KHDRBS2: variants seen among roughly 807,000 people sequenced by gnomAD.
KHDRBS2 encodes KH RNA binding domain containing, signal transduction associated 2.
KHDRBS2 carries 26 observed loss-of-function variants against 44.3 expected under a neutral mutation model. The observed-to-expected ratio is 0.59, with a 90% CI of 0.43 to 0.81. The LOEUF is 0.81. Among genes scored for constraint, KHDRBS2 ranks in the 40% least tolerant of loss-of-function variants. KHDRBS2 has a pLI of 0.00. For synonymous variants in KHDRBS2, 194 were observed against 151.1 expected (o/e 1.28, Z -2.08); for missense variants, 476 against 433.1 (o/e 1.10, Z -0.88).
chr6:62,227,316 C>T (rs985074165), intron 1 of KHDRBS2, among the ~76,000 whole-genome samples: 3 of 152,080 alleles, frequency 2.0e-5, no homozygotes, highest in Non-Finnish European at 2.9e-5. Flanking sequence ...TGATTTGGCT[C>T]TCTGCTTATC....
At chr6:62,135,513 GT>G (rs1811322271) in intron 2 of KHDRBS2, among the ~76,000 whole-genome samples, 1 of 151,944 alleles carries the variant, frequency 6.6e-6, no homozygotes, top group Non-Finnish European at 1.5e-5. Flanking sequence ...TATGACCCAC[GT>G]ATACCTCTTC....
chr6:61,719,260 G>T (rs1018910935), intron 7 of KHDRBS2, among the ~76,000 whole-genome samples: 1 of 152,008 alleles, frequency 6.6e-6, no homozygotes, highest in Non-Finnish European at 1.5e-5. Flanking sequence ...GATCTGAATT[G>T]GTCTTTTGGC....
intron 2 of KHDRBS2, among the ~76,000 whole-genome samples, chr6:62,098,216 C>T (rs574657651): frequency 6.8e-6 from 1 of 146,802 alleles, no homozygotes; most frequent in South Asian, 2.2e-4. Flanking sequence ...TATACTTACT[C>T]TTACCAGTGA....
intron 6 of KHDRBS2, among the ~76,000 whole-genome samples, chr6:61,826,077 G>C (rs1198978217): frequency 1.3e-5 from 2 of 152,070 alleles, no homozygotes; most frequent in Non-Finnish European, 2.9e-5. Flanking sequence ...ATCAAAGAAG[G>C]AGTTTTCCAA....
the KHDRBS2 span, among the ~76,000 whole-genome samples, chr6:61,656,820 C>T: frequency 6.6e-6 from 1 of 151,890 alleles, no homozygotes; most frequent in Non-Finnish European, 1.5e-5. Flanking sequence ...ACGTGATGGC[C>T]TACTTTTGAA....
At chr6:61,767,739 CAAGCA>C (rs1271012650) in intron 6 of KHDRBS2, among the ~76,000 whole-genome samples, 3 of 152,096 alleles carry the variant, frequency 2.0e-5, no homozygotes, top group Non-Finnish European at 2.9e-5. Flanking sequence ...CATAAACAAA[CAAGCA>C]AAGAGAAAAC....
Position 61,955,700 on chromosome 6 carries a change from A to G in KHDRBS2, c.483+22366T>C, listed in dbSNP as rs183827022. 4.1e-4 allele frequency among the ~76,000 whole-genome samples: 45 copies of G among 110,358 alleles called. 1 individual carries two copies. The highest frequency in any genetic ancestry group is 1.4e-3 in the African/African-American group (38 of 27,620). The allele number at this position is 110,358 out of a possible 152,430, so 72.4% of individuals were successfully genotyped here. ...CATATGTATGTATACATATATGTGT[A>G]TATATACACATATGTATGTATACAT... On this transcript the variant is annotated intron_variant, in intron 4 of 8. Transcript: ENST00000281156.
At chr6:61,755,157 G>C (rs1778294786) in intron 6 of KHDRBS2, among the ~76,000 whole-genome samples, 1 of 152,190 alleles carries the variant, frequency 6.6e-6, no homozygotes, top group East Asian at 1.9e-4. Context: ...TTGAGTTCAA[G>C]AATGTGTGAA....
At chr6:62,228,930 C>A (rs1247728094) in intron 1 of KHDRBS2, among the ~76,000 whole-genome samples, 2 of 152,206 alleles carry the variant, frequency 1.3e-5, no homozygotes, top group African/African-American at 4.8e-5. Context: ...CCAGTAGGAA[C>A]ATTCCTGTAT....
chr6:62,140,512 G>C (rs547102707), intron 2 of KHDRBS2, among the ~76,000 whole-genome samples: 1 of 152,296 alleles, frequency 6.6e-6, no homozygotes, highest in East Asian at 1.9e-4. Context: ...AAAGAGAATA[G>C]ATGATTAGGG....
intron 3 of KHDRBS2, among the ~76,000 whole-genome samples, chr6:61,987,156 T>G (rs997828164): frequency 6.6e-6 from 1 of 152,172 alleles, no homozygotes; most frequent in African/African-American, 2.4e-5. Context: ...CTCCACTATT[T>G]CAGCCTTCGA....
intron 6 of KHDRBS2, among the ~76,000 whole-genome samples, chr6:61,848,527 A>ATACG (rs1794876116): frequency 1.8e-5 from 1 of 56,816 alleles, no homozygotes; most frequent in Non-Finnish European, 3.2e-5. Flanking sequence ...ATGTATATAT[A>ATACG]TATACATATA....
At chr6:62,062,951 C>T (rs1000535864) in intron 2 of KHDRBS2, among the ~76,000 whole-genome samples, 9 of 150,724 alleles carry the variant, frequency 6.0e-5, no homozygotes, top group Non-Finnish European at 1.3e-4. Context: ...GGGGATATCA[C>T]CACCGATCCC....
At chr6:62,027,492 T>C (rs756946137) in intron 3 of KHDRBS2, among the ~76,000 whole-genome samples, 1 of 152,082 alleles carries the variant, frequency 6.6e-6, no homozygotes, top group Non-Finnish European at 1.5e-5. Flanking sequence ...CCATCTCTTT[T>C]CTTCACACCT....
chr6:62,102,497 G>A (rs1333666315), intron 2 of KHDRBS2, among the ~76,000 whole-genome samples: 2 of 152,170 alleles, frequency 1.3e-5, no homozygotes, highest in Non-Finnish European at 2.9e-5. Context: ...CGAGGTCTCG[G>A]CCCCAGAGGG....
chr6:61,721,369 C>A (rs1322432744), intron 7 of KHDRBS2, among the ~76,000 whole-genome samples: 1 of 151,908 alleles, frequency 6.6e-6, no homozygotes, highest in Non-Finnish European at 1.5e-5. Context: ...TTACCTCGGG[C>A]AGTATGGCCA....
intron 2 of KHDRBS2, among the ~76,000 whole-genome samples, chr6:62,070,596 T>C (rs1794805666): frequency 6.6e-6 from 1 of 152,078 alleles, no homozygotes; most frequent in Admixed American, 6.6e-5. Flanking sequence ...GGTGTTCGGT[T>C]TTTTGTCCTT....
chr6:62,035,541 C>A (rs1785131135), intron 3 of KHDRBS2, among the ~76,000 whole-genome samples: 1 of 151,640 alleles, frequency 6.6e-6, no homozygotes, highest in Admixed American at 6.6e-5. Context: ...TTAATGGGTA[C>A]AAAGCAAATA....
chr6:62,001,094 A>G (rs1778154199), intron 3 of KHDRBS2, among the ~76,000 whole-genome samples: 1 of 152,156 alleles, frequency 6.6e-6, no homozygotes, highest in Admixed American at 6.5e-5. Flanking sequence ...CATTATTGGA[A>G]TAGCTTCTTA....
Sources: gnomAD v4.1 joint callset for allele counts (sites outside exome capture counted in the v4.1 genomes callset) on GRCh38, gnomAD v4.1.1 for gene constraint, MANE v1.5 for transcripts, NCBI Gene and HGNC (gene_info 2026-07-23, HGNC 2026-07-21) for gene names.